Variants in ZNF831 observed in about 807,000 individuals in gnomAD.
ZNF831 encodes zinc finger protein 831.
Under a neutral mutation model 95.8 loss-of-function variants are expected in ZNF831, and 59 were observed. The observed-to-expected ratio is 0.62, with a 90% CI of 0.50 to 0.77. The LOEUF is 0.77. Ranked by LOEUF, ZNF831 falls within the 30% of genes least tolerant of loss-of-function variation. The pLI is 0.00. For synonymous variants in ZNF831, 961 were observed against 925.5 expected (o/e 1.04, Z -0.70); for missense variants, 2,205 against 2,164.0 (o/e 1.02, Z -0.38).
chr20:59,202,634 A>G (rs140094639), intron 3 of ZNF831, among the ~76,000 whole-genome samples: 1 of 152,258 alleles, frequency 6.6e-6, no homozygotes, highest in African/African-American at 2.4e-5. Flanking sequence ...TAATTCACCC[A>G]CATACTGAGA....
chr20:59,176,053 G>A (rs1198893205), intron 1 of ZNF831, among the ~76,000 whole-genome samples: 1 of 152,178 alleles, frequency 6.6e-6, no homozygotes, highest in African/African-American at 2.4e-5. Context: ...GAAGAGCTAG[G>A]AATGCCTTAT....
At chr20:59,140,584 C>T (rs1979648057) in intron 1 of ZNF831, among the ~76,000 whole-genome samples, 1 of 152,172 alleles carries the variant, frequency 6.6e-6, no homozygotes, top group African/African-American at 2.4e-5. Flanking sequence ...TCCCAGGGAC[C>T]TTTCACCCAG....
chr20:59,218,954 A>G (rs1209490859), intron 4 of ZNF831, among the ~76,000 whole-genome samples: 1 of 152,170 alleles, frequency 6.6e-6, no homozygotes, highest in Non-Finnish European at 1.5e-5. Flanking sequence ...TGGAGGTTGC[A>G]GTGAGCCAAG....
Position 59,257,932 on chromosome 20 carries a change from G to C in ZNF831, c.*3189G>C, listed in dbSNP as rs1451469008. On this transcript the variant is annotated 3_prime_UTR_variant, in exon 6 of 6. Coordinates refer to ENST00000371030, the MANE Select transcript of ZNF831 (RefSeq NM_178457.3). Reference sequence around the variant, plus strand: ...TACCTACACCCAGCTAGATCTTGTCGTTAAAGATGTATGGAGGGAAGAGGT... The same window carrying C: ...TACCTACACCCAGCTAGATCTTGTCCTTAAAGATGTATGGAGGGAAGAGGT... The C allele has an allele frequency of 6.6e-6, 1 of 152,134 alleles. No individual in the cohort carries two copies. The highest frequency in any genetic ancestry group is 1.5e-5 in the Non-Finnish European group (1 of 68,016). 9.4% of individuals were successfully genotyped at this position (152,134 alleles called of 1,614,324 possible). A position where few individuals can be genotyped will look rare whatever the true frequency, so the allele number is the denominator to read the frequency against.
At chr20:59,140,530 A>G (rs1458754053) in intron 1 of ZNF831, among the ~76,000 whole-genome samples, 5 of 152,232 alleles carry the variant, frequency 3.3e-5, no homozygotes, top group East Asian at 1.9e-4. Context: ...TTATTTTTCG[A>G]TAATTATAGA....
intron 4 of ZNF831, 41 bp from the exon 5 acceptor site, chr20:59,252,937 T>C: frequency 1.1e-5 from 18 of 1,594,244 alleles, no homozygotes; most frequent in Non-Finnish European, 1.5e-5. Flanking sequence ...TTGCTAATTT[T>C]ATAATTCCAG....
intron 1 of ZNF831, 77 bp from the exon 2 acceptor site, chr20:59,190,907 T>C: frequency 7.8e-7 from 1 of 1,280,458 alleles, no homozygotes; most frequent in Non-Finnish European, 1.0e-6. Context: ...ATGAAGTGCT[T>C]GGTGCAGGGT....
upstream of ZNF831, among the ~76,000 whole-genome samples, chr20:59,163,016 TGTG>T (rs1354334239): frequency 2.2e-5 from 2 of 89,458 alleles, no homozygotes; most frequent in Admixed American, 1.9e-4. Flanking sequence ...TATTCCTAGG[TGTG>T]TGTGTGTGTG....
At chr20:59,175,205 T>G (rs1982049461) in intron 1 of ZNF831, among the ~76,000 whole-genome samples, 1 of 150,026 alleles carries the variant, frequency 6.7e-6, no homozygotes, top group Non-Finnish European at 1.5e-5. Flanking sequence ...TTGGTGTGGA[T>G]TTCTTTGGGT....
chr20:59,246,945 T>C (rs933449455), intron 4 of ZNF831, among the ~76,000 whole-genome samples: 1 of 152,228 alleles, frequency 6.6e-6, no homozygotes, highest in African/African-American at 2.4e-5. Flanking sequence ...TTGATTGGCA[T>C]TGACATCCAA....
chr20:59,247,057 G>A (rs1194296165), intron 4 of ZNF831, among the ~76,000 whole-genome samples: 2 of 152,180 alleles, frequency 1.3e-5, no homozygotes, highest in African/African-American at 4.8e-5. Flanking sequence ...AATGTAATAG[G>A]ATTGCAGAAA....
intron 4 of ZNF831, among the ~76,000 whole-genome samples, chr20:59,230,563 T>C (rs1986669056): frequency 6.6e-6 from 1 of 152,188 alleles, no homozygotes; most frequent in East Asian, 1.9e-4. Flanking sequence ...TAAAGATAAA[T>C]GGACATGGCT....
intron 1 of ZNF831, among the ~76,000 whole-genome samples, chr20:59,170,665 A>G (rs1981656599): frequency 6.6e-6 from 1 of 152,218 alleles, no homozygotes; most frequent in African/African-American, 2.4e-5. Flanking sequence ...AAGAGGGACT[A>G]TAAGACATAA....
At chr20:59,205,849 A>G (rs73618653) in intron 3 of ZNF831, among the ~76,000 whole-genome samples, 12,478 of 152,270 alleles carry the variant, frequency 0.082, 729 homozygotes, top group East Asian at 0.28. Flanking sequence ...TGGGGGTGCT[A>G]TACTAGGTTG....
chr20:59,234,229 T>A (rs1986884247), intron 4 of ZNF831, among the ~76,000 whole-genome samples: 1 of 152,246 alleles, frequency 6.6e-6, no homozygotes, highest in Non-Finnish European at 1.5e-5. Flanking sequence ...TTGGTTGTCA[T>A]GGTTGGTATT....
chr20:59,244,308 TCA>T (rs2146733505), intron 4 of ZNF831, among the ~76,000 whole-genome samples: 1 of 152,350 alleles, frequency 6.6e-6, no homozygotes, highest in African/African-American at 2.4e-5. Flanking sequence ...CATGAATCTC[TCA>T]GTTTTTCTGT....
At position 59,191,614 on chromosome 20, in the gene ZNF831, A is replaced by G. The variant is rs1342285927; in HGVS notation, c.595A>G (p.Asn199Asp). Residue 199 changes from asparagine to aspartate, a missense_variant, in exon 2 of 6, where the codon AAC becomes GAC. Asn to Asp is a conservative substitution (Grantham distance 23). Coordinates refer to ENST00000371030, the MANE Select transcript of ZNF831 (RefSeq NM_178457.3). ...KHRRTQTHLN[N>D]SRLSSESEGA... ...CAGGCGGACGCAGACGCACCTCAAC[A>G]ACTCCCGGCTGTCCTCAGAGTCCGA... 3.1e-6 allele frequency: 5 copies of G among 1,590,122 alleles called. No individual in the cohort carries two copies. The highest frequency in any genetic ancestry group is 2.6e-6 in the Non-Finnish European group (3 of 1,166,426).
At chr20:59,249,905 T>C (rs259962) in intron 4 of ZNF831, among the ~76,000 whole-genome samples, 77,855 of 151,906 alleles carry the variant, frequency 0.51, 21,206 homozygotes, top group East Asian at 0.89. Flanking sequence ...AGAAACGACT[T>C]GGAGAAGAAA....
At chr20:59,235,222 C>A (rs2146708506) in intron 4 of ZNF831, among the ~76,000 whole-genome samples, 1 of 152,288 alleles carries the variant, frequency 6.6e-6, no homozygotes, top group Non-Finnish European at 1.5e-5. Context: ...CGTGCCACAG[C>A]CAGGGTCCCC....
Sources: allele counts gnomAD v4.1 joint callset (sites outside exome capture counted in the v4.1 genomes callset), GRCh38; gene constraint gnomAD v4.1.1; transcripts MANE v1.5; gene names NCBI Gene and HGNC (gene_info 2026-07-23, HGNC 2026-07-21).